Variants in PPM1H observed in about 807,000 individuals in gnomAD.
PPM1H encodes the protein protein phosphatase, Mg2+/Mn2+ dependent 1H, also known as protein phosphatase 1H.
A neutral mutation model predicts 54.9 loss-of-function variants in PPM1H; 27 were observed. The observed-to-expected ratio is 0.49, with a 90% confidence interval of 0.36 to 0.68. The LOEUF is 0.68. Ranked by LOEUF, PPM1H falls within the 30% of genes least tolerant of loss-of-function variation. The probability of loss-of-function intolerance (pLI) is 0.00; values close to 1 mark genes in which losing one functional copy is unlikely to be tolerated. For synonymous variants in PPM1H, 305 were observed against 270.8 expected, an observed-to-expected ratio of 1.13 and a Z score of -1.24; for missense variants, 596 against 667.8, an observed-to-expected ratio of 0.89 and a Z score of 1.19.
chr12:62,712,748 T>TA (rs1251369831), intron 6 of PPM1H, among the ~76,000 whole-genome samples: 2 of 152,122 alleles, frequency 1.3e-5, no homozygotes, highest in African/African-American at 4.8e-5. Context: ...GGCCAACACA[T>TA]AAATTTGGGC....
Position 62,717,937 on chromosome 12 carries a change from A to C in PPM1H, c.1073+2234T>G, listed in dbSNP as rs1288017154. ...CAAAGATACTTTTCCTTATTACAAAATCCTAGGCAGATATTTATCATTTGT... is the reference window on the plus strand; with the variant it reads ...CAAAGATACTTTTCCTTATTACAAACTCCTAGGCAGATATTTATCATTTGT... On this transcript the variant is annotated intron_variant, in intron 6 of 9. Transcript: ENST00000228705. Among the ~76,000 whole-genome samples the C allele has an allele frequency of 2.0e-5, 3 of 152,222 alleles. No individual in the cohort carries two copies. The East Asian group carries it at 5.8e-4, about 29-fold the overall frequency.
At chr12:62,731,962 A>G (rs1297755046) in intron 5 of PPM1H, among the ~76,000 whole-genome samples, 3 of 152,198 alleles carry the variant, frequency 2.0e-5, no homozygotes, top group Admixed American at 1.3e-4. Context: ...ATGTCCATCA[A>G]CCAGACACCC....
At chr12:62,872,572 A>G (rs1025119705) in intron 1 of PPM1H, among the ~76,000 whole-genome samples, 1 of 152,244 alleles carries the variant, frequency 6.6e-6, no homozygotes, top group South Asian at 2.1e-4. Context: ...CAATCTCTCT[A>G]TAATGGATTT....
At chr12:62,752,737 C>T (rs2076448831) in intron 4 of PPM1H, among the ~76,000 whole-genome samples, 2 of 151,988 alleles carry the variant, frequency 1.3e-5, no homozygotes, top group African/African-American at 4.8e-5. Context: ...TACAACTGTC[C>T]AAGTAAAAAA....
intron 3 of PPM1H, among the ~76,000 whole-genome samples, chr12:62,800,029 G>A (rs887323477): frequency 2.6e-5 from 4 of 152,146 alleles, no homozygotes; most frequent in Admixed American, 2.0e-4. Flanking sequence ...TAAACCACCT[G>A]CTAGTCAAAG....
intron 2 of PPM1H, among the ~76,000 whole-genome samples, chr12:62,805,294 A>G (rs2076799898): frequency 6.6e-6 from 1 of 152,224 alleles, no homozygotes; most frequent in African/African-American, 2.4e-5. Context: ...TACAGAAAAC[A>G]GTATGGAGGT....
intron 5 of PPM1H, among the ~76,000 whole-genome samples, chr12:62,735,262 A>C (rs1287698958): frequency 6.6e-6 from 1 of 151,916 alleles, no homozygotes; most frequent in Non-Finnish European, 1.5e-5. Context: ...CTGCCCCAAG[A>C]GTGCAGTGGT....
chr12:62,892,028 C>T (rs1870815571), intron 1 of PPM1H, among the ~76,000 whole-genome samples: 1 of 152,142 alleles, frequency 6.6e-6, no homozygotes, highest in African/African-American at 2.4e-5. Context: ...AACTTTCAGC[C>T]ACCACCAATT....
At chr12:62,736,726 TC>T (rs1401722800) in intron 5 of PPM1H, among the ~76,000 whole-genome samples, 1 of 152,190 alleles carries the variant, frequency 6.6e-6, no homozygotes, top group Non-Finnish European at 1.5e-5. Flanking sequence ...AGCTGTGTTG[TC>T]TACAAAGAAA....
At chr12:62,752,063 G>A (rs2076445335) in intron 4 of PPM1H, among the ~76,000 whole-genome samples, 1 of 152,188 alleles carries the variant, frequency 6.6e-6, no homozygotes, top group South Asian at 2.1e-4. Context: ...GCTGGCTGTG[G>A]TGAAATGAAA....
intron 5 of PPM1H, among the ~76,000 whole-genome samples, chr12:62,736,830 C>A (rs2076352251): frequency 6.6e-6 from 1 of 152,168 alleles, no homozygotes; most frequent in Non-Finnish European, 1.5e-5. Flanking sequence ...GGGATGATTA[C>A]CAGAGTCACT....
chr12:62,756,131 C>A, intron 4 of PPM1H: 4 of 851,778 alleles, frequency 4.7e-6, no homozygotes, highest in Non-Finnish European at 7.9e-6. Context: ...ATGGCATTGA[C>A]CTCAACGACC....
At chr12:62,868,118 T>C (rs1869849749) in intron 1 of PPM1H, among the ~76,000 whole-genome samples, 1 of 152,186 alleles carries the variant, frequency 6.6e-6, no homozygotes, top group African/African-American at 2.4e-5. Flanking sequence ...CTCCCCTGGC[T>C]TGTCCTAAAC....
At chr12:62,680,499 C>T (rs1449714500) in intron 8 of PPM1H, among the ~76,000 whole-genome samples, 2 of 152,100 alleles carry the variant, frequency 1.3e-5, no homozygotes, top group African/African-American at 4.8e-5. Context: ...TTAAACCACC[C>T]ACTCTTAGAA....
At chr12:62,830,696 G>C (rs897594848) in intron 2 of PPM1H, among the ~76,000 whole-genome samples, 8 of 152,100 alleles carry the variant, frequency 5.3e-5, no homozygotes, top group Admixed American at 6.5e-5. Context: ...TGCCCATCTG[G>C]GTCCTCAGCT....
chr12:62,781,751 G>A (rs2076643891), intron 4 of PPM1H, among the ~76,000 whole-genome samples: 1 of 152,216 alleles, frequency 6.6e-6, no homozygotes, highest in African/African-American at 2.4e-5. Context: ...AGAGAGAGAA[G>A]GGCCTCTCGG....
At chr12:62,688,000 C>A (rs2076062995) in intron 8 of PPM1H, among the ~76,000 whole-genome samples, 1 of 133,158 alleles carries the variant, frequency 7.5e-6, no homozygotes, top group African/African-American at 3.2e-5. Flanking sequence ...CAGAGTGAGA[C>A]TCCATCTCAA....
At chr12:62,667,062 T>C in intron 9 of PPM1H, 116 bp downstream of exon 9, 1 of 1,200,242 alleles carries the variant, frequency 8.3e-7, no homozygotes, top group Non-Finnish European at 1.2e-6. Context: ...TTGGTTACTG[T>C]ACCGTCCATA....
chr12:62,811,832 A>C (rs1049284317), intron 2 of PPM1H, among the ~76,000 whole-genome samples: 4 of 152,212 alleles, frequency 2.6e-5, no homozygotes, highest in African/African-American at 9.6e-5. Context: ...TGAGTCAATT[A>C]AACCTCTTTC....
Sources: allele counts gnomAD v4.1 joint callset (sites outside exome capture counted in the v4.1 genomes callset), GRCh38; gene constraint gnomAD v4.1.1; transcripts MANE v1.5; gene names NCBI Gene and HGNC (gene_info 2026-07-23, HGNC 2026-07-21).